The following DNAH7 variants were observed in gnomAD, a reference collection of about 807,000 sequenced individuals.
DNAH7 encodes the protein axonemal beta dynein heavy chain 7.
DNAH7 carries 397 observed loss-of-function variants against 444.6 expected under a neutral mutation model. The ratio of observed to expected loss-of-function variants is 0.89; its 90% CI spans 0.82 to 0.97. The LOEUF (loss-of-function observed/expected upper bound fraction) is 0.97. Ranked by LOEUF, DNAH7 falls within the 50% of genes least tolerant of loss-of-function variation. The pLI is 0.00. For missense variants in DNAH7, 4,902 were observed against 4,800.8 expected (o/e 1.02, Z -0.62); for synonymous variants, 1,636 against 1,624.4 (o/e 1.01, Z -0.17).
chr2:195,978,953 T>C (rs745522868), intron 15 of DNAH7, among the ~76,000 whole-genome samples: 11 of 152,096 alleles, frequency 7.2e-5, no homozygotes, highest in Admixed American at 2.0e-4. Flanking sequence ...AAGAGAGAGA[T>C]AGACCTCAAT....
intron 21 of DNAH7, among the ~76,000 whole-genome samples, chr2:195,934,032 A>T (rs965393888): frequency 6.6e-6 from 1 of 151,954 alleles, no homozygotes; most frequent in Non-Finnish European, 1.5e-5. Flanking sequence ...AAAAAAACTG[A>T]GTGCTCAATC....
intron 40 of DNAH7, among the ~76,000 whole-genome samples, chr2:195,868,413 C>T (rs1700482819): frequency 6.6e-6 from 1 of 151,750 alleles, no homozygotes; most frequent in Non-Finnish European, 1.5e-5. Flanking sequence ...TACAGCCATC[C>T]TATTGAGTGT....
At chr2:195,897,437 C>T (rs937286158) in intron 29 of DNAH7, among the ~76,000 whole-genome samples, 6 of 151,986 alleles carry the variant, frequency 3.9e-5, no homozygotes, top group African/African-American at 1.4e-4. Flanking sequence ...TTTCATGTGC[C>T]CATTATTTTC....
At chr2:196,031,636 ATC>A (rs1696065509) in intron 5 of DNAH7, among the ~76,000 whole-genome samples, 1 of 152,182 alleles carries the variant, frequency 6.6e-6, no homozygotes, top group Non-Finnish European at 1.5e-5. Flanking sequence ...ACCTTAAATC[ATC>A]TCTCTCAAGT....
At chr2:195,848,158 C>A (rs1699126196) in intron 46 of DNAH7, among the ~76,000 whole-genome samples, 1 of 152,186 alleles carries the variant, frequency 6.6e-6, no homozygotes, top group South Asian at 2.1e-4. Flanking sequence ...CTGGGCACTG[C>A]CATCTCCCTC....
intron 61 of DNAH7, among the ~76,000 whole-genome samples, chr2:195,767,337 GT>G (rs1345953000): frequency 2.6e-5 from 4 of 151,994 alleles, no homozygotes; most frequent in African/African-American, 9.6e-5. Flanking sequence ...TTGTTTTATA[GT>G]TTTTATATAG....
intron 1 of DNAH7, 87 bp downstream of exon 1, chr2:196,068,610 C>T: frequency 1.3e-6 from 2 of 1,528,880 alleles, no homozygotes; most frequent in Non-Finnish European, 1.8e-6. Context: ...CTGGGGAGTT[C>T]GCTAGGCAGG....
intron 5 of DNAH7, among the ~76,000 whole-genome samples, chr2:196,029,591 T>C (rs1419835690): frequency 6.6e-6 from 1 of 152,114 alleles, no homozygotes; most frequent in South Asian, 2.1e-4. Context: ...ATATTATTTA[T>C]AATCCTCACA....
chr2:195,770,840 G>A (rs1195239067), intron 61 of DNAH7, among the ~76,000 whole-genome samples: 2 of 151,370 alleles, frequency 1.3e-5, no homozygotes, highest in Non-Finnish European at 2.9e-5. Context: ...TCAGCCTCCT[G>A]AGTAGCATAC....
At chr2:196,027,197 T>C (rs1255780755) in intron 6 of DNAH7, among the ~76,000 whole-genome samples, 3 of 152,124 alleles carry the variant, frequency 2.0e-5, no homozygotes, top group Non-Finnish European at 2.9e-5. Flanking sequence ...AAATATATGA[T>C]GTACTTAACA....
At chr2:196,050,555 T>G (rs777944408) in intron 3 of DNAH7, among the ~76,000 whole-genome samples, 1 of 152,154 alleles carries the variant, frequency 6.6e-6, no homozygotes, top group African/African-American at 2.4e-5. Flanking sequence ...ACCCTCCCCT[T>G]AAATTTAACT....
At chr2:195,747,227 G>T (rs1312345080) in intron 63 of DNAH7, among the ~76,000 whole-genome samples, 1 of 152,076 alleles carries the variant, frequency 6.6e-6, no homozygotes, top group African/African-American at 2.4e-5. Context: ...ACACCTCTAC[G>T]CAAATAAACT....
intron 51 of DNAH7, among the ~76,000 whole-genome samples, chr2:195,810,922 G>C (rs1427565677): frequency 1.3e-5 from 2 of 152,038 alleles, no homozygotes; most frequent in East Asian, 3.9e-4. Flanking sequence ...AATTAATACA[G>C]GGTGACTCAC....
intron 25 of DNAH7, among the ~76,000 whole-genome samples, 177 bp from the exon 26 acceptor site, chr2:195,907,186 TAA>T (rs1382625718): frequency 2.0e-5 from 3 of 152,178 alleles, no homozygotes; most frequent in African/African-American, 7.2e-5. Flanking sequence ...TCTGCACGAA[TAA>T]AAGAGTTTGA....
At chr2:195,907,063 T>A in intron 25 of DNAH7, 54 bp from the exon 26 acceptor site, 1 of 1,351,526 alleles carries the variant, frequency 7.4e-7, no homozygotes. Context: ...AATGTTGCAA[T>A]GAAATGTTGT....
chr2:195,942,237 T>A (rs1322132709), intron 19 of DNAH7, among the ~76,000 whole-genome samples: 1 of 151,990 alleles, frequency 6.6e-6, no homozygotes, highest in Non-Finnish European at 1.5e-5. Flanking sequence ...AGAAAATATA[T>A]CAAGAAAGCA....
chr2:195,884,397 G>T (rs1277602057), intron 35 of DNAH7, among the ~76,000 whole-genome samples, 188 bp downstream of exon 35: 1 of 152,190 alleles, frequency 6.6e-6, no homozygotes, highest in Non-Finnish European at 1.5e-5. Flanking sequence ...TATACAGAAA[G>T]AAAGTGACTT....
In DNAH7 at chr2:195,933,342, G is replaced by A. The variant is rs529463085; in HGVS notation, c.3471+1249C>T. On this transcript the variant is annotated intron_variant, in intron 21 of 64. Transcript: ENST00000312428. ...CAACCATTGTGAAAGTCAGTGTGGC[G>A]ATTCCTCAGGGATCTAGAACTAGAA... is the stretch of plus-strand genomic sequence containing the variant. 1.9e-3 allele frequency among the ~76,000 whole-genome samples: 291 copies of A among 152,242 alleles called. 1 individual carries two copies. Among genetic ancestry groups the A allele is most frequent in the African/African-American group, 6.6e-3 (274 of 41,536 alleles).
chr2:195,739,179 G>A (rs1436811190), intron 64 of DNAH7, among the ~76,000 whole-genome samples: 1 of 152,190 alleles, frequency 6.6e-6, no homozygotes, highest in Non-Finnish European at 1.5e-5. Flanking sequence ...GTGAAAGAAA[G>A]ACTAAATTTC....
Sources: allele counts gnomAD v4.1 joint callset (sites outside exome capture counted in the v4.1 genomes callset), GRCh38; gene constraint gnomAD v4.1.1; transcripts MANE v1.5; gene names NCBI Gene and HGNC (gene_info 2026-07-23, HGNC 2026-07-21).